Variants in CDH4 observed in about 807,000 individuals in gnomAD.
CDH4 encodes cadherin-4.
CDH4 carries 33 observed loss-of-function variants against 86.0 expected under a neutral mutation model. The observed-to-expected ratio is 0.38, with a 90% CI of 0.29 to 0.51. The LOEUF is 0.51. Among genes scored for constraint, CDH4 ranks in the 20% least tolerant of loss-of-function variants. CDH4 has a pLI of 0.86. For synonymous variants in CDH4, 555 were observed against 549.4 expected (o/e 1.01, Z -0.14); for missense variants, 1,114 against 1,307.4 (o/e 0.85, Z 2.28).
chr20:61,728,857 C>T lies in CDH4; in HGVS notation c.170-14706C>T, dbSNP rs116408616. Among the ~76,000 whole-genome samples the T allele has an allele frequency of 4.0e-3, 604 of 152,306 alleles. 3 individuals are homozygous for T. Among genetic ancestry groups the T allele is most frequent in the African/African-American group, 0.014 (577 of 41,576 alleles). On this transcript the variant is annotated intron_variant, in intron 2 of 15. Coordinates refer to ENST00000614565, the MANE Select transcript of CDH4 (RefSeq NM_001794.5). Reference sequence around the variant, plus strand: ...CTCCACACCGTTAAATGGACTCTCACAGCCTTGAATGAGAGAGCAAAAGTC... The same window carrying T: ...CTCCACACCGTTAAATGGACTCTCATAGCCTTGAATGAGAGAGCAAAAGTC...
chr20:61,797,094 C>CTA (rs1361464514), intron 4 of CDH4, among the ~76,000 whole-genome samples: 1 of 148,202 alleles, frequency 6.7e-6, no homozygotes, highest in African/African-American at 2.5e-5. Flanking sequence ...CCCCCCCCCC[C>CTA]CCAACACTGG....
rs141668792 is a variant in CDH4 at position 61,522,616 on chromosome 20, T to C, written c.170-220947T>C. On this transcript the variant is annotated intron_variant, in intron 2 of 15. Coordinates refer to ENST00000614565, the MANE Select transcript of CDH4 (RefSeq NM_001794.5). The stretch of plus-strand genomic sequence containing the variant: ...ATTTGTTTTTATTAATTGATTCATT[T>C]TCCCCCCAGCCAGGCAAGCAGCCCC... Among the ~76,000 whole-genome samples, 215 of 152,358 alleles carry C rather than the reference T, an allele frequency of 1.4e-3. 1 individual carries two copies. Among genetic ancestry groups the C allele is most frequent in the African/African-American group, 4.8e-3 (198 of 41,594 alleles).
In CDH4 at chr20:61,879,725, C is replaced by T. The variant is rs549660937; in HGVS notation, c.1050+5825C>T. Reference sequence around the variant, plus strand: ...GGAGGTGAACGTGCCGCCCGAGCCCCGTCCTGAAGGTGAGAGTGGGCTCTG... The same window carrying T: ...GGAGGTGAACGTGCCGCCCGAGCCCTGTCCTGAAGGTGAGAGTGGGCTCTG... On this transcript the variant is annotated intron_variant, in intron 7 of 15. Transcript: ENST00000614565. The surrounding 1 kb of genome is among the most constrained non-coding windows in gnomAD (Gnocchi z 4.1). Among the ~76,000 whole-genome samples the T allele has an allele frequency of 1.7e-4, 26 of 152,284 alleles. No homozygotes were observed. Among genetic ancestry groups the T allele is most frequent in the African/African-American group, 1.2e-4 (5 of 41,560 alleles).
rs778067651 is a variant in CDH4 at position 61,676,221 on chromosome 20, G to A, written c.170-67342G>A. On this transcript the variant is annotated intron_variant, in intron 2 of 15. Transcript: ENST00000614565. The surrounding 1 kb of genome is among the most constrained non-coding windows in gnomAD (Gnocchi z 4.5). ...CCCATTAACATTCGCCTGGTGTCAG[G>A]AACGGTCAGGAACGGTGGGCTGTAA... Among the ~76,000 whole-genome samples, 14 of 152,010 alleles carry A rather than the reference G, an allele frequency of 9.2e-5. No individual in the cohort carries two copies. The highest frequency in any genetic ancestry group is 2.0e-4 in the Admixed American group (3 of 15,274).
intron 2 of CDH4, among the ~76,000 whole-genome samples, chr20:61,532,736 G>A (rs2085965058): frequency 6.6e-6 from 1 of 152,188 alleles, no homozygotes; most frequent in African/African-American, 2.4e-5. Flanking sequence ...TCTCTGGCCG[G>A]GTTCTAGGGG....
At chr20:61,607,073 T>C (rs975349048) in intron 2 of CDH4, among the ~76,000 whole-genome samples, 2 of 152,222 alleles carry the variant, frequency 1.3e-5, no homozygotes, top group African/African-American at 4.8e-5. Context: ...CTTTACAACC[T>C]TGTGGTAACA....
intron 2 of CDH4, among the ~76,000 whole-genome samples, chr20:61,683,076 G>A (rs560565815): frequency 1.8e-4 from 28 of 152,138 alleles, no homozygotes; most frequent in African/African-American, 3.4e-4. Flanking sequence ...TCACCATGCC[G>A]GGGCCTGGCA....
At chr20:61,601,610 C>T (rs2086601586) in intron 2 of CDH4, among the ~76,000 whole-genome samples, 1 of 152,204 alleles carries the variant, frequency 6.6e-6, no homozygotes, top group Admixed American at 6.5e-5. Flanking sequence ...TGTGTGTGTG[C>T]CCACCTCTCC....
intron 2 of CDH4, among the ~76,000 whole-genome samples, chr20:61,522,160 C>T (rs1046804952): frequency 3.9e-5 from 6 of 152,324 alleles, no homozygotes; most frequent in Non-Finnish European, 5.9e-5. Flanking sequence ...CAGCTCCCTG[C>T]GTGTCCACCT....
chr20:61,638,164 C>T (rs1280921511), intron 2 of CDH4, among the ~76,000 whole-genome samples: 3 of 152,120 alleles, frequency 2.0e-5, no homozygotes, highest in Non-Finnish European at 4.4e-5. Context: ...GAAGGGGGCA[C>T]ACATTGTTGA....
intron 2 of CDH4, among the ~76,000 whole-genome samples, chr20:61,675,229 T>C (rs564719075): frequency 6.6e-6 from 1 of 152,146 alleles, no homozygotes; most frequent in South Asian, 2.1e-4. Context: ...CACCTCTGCT[T>C]TGGGGAGAAG....
At chr20:61,916,296 G>A (rs915616098) in intron 9 of CDH4, among the ~76,000 whole-genome samples, 137 of 152,300 alleles carry the variant, frequency 9.0e-4, no homozygotes, top group African/African-American at 3.2e-3. Flanking sequence ...TCTGTTCTTA[G>A]ATTCCCACGC....
intron 3 of CDH4, among the ~76,000 whole-genome samples, chr20:61,770,998 T>G (rs1439982971): frequency 7.1e-6 from 1 of 140,940 alleles, no homozygotes; most frequent in Non-Finnish European, 1.6e-5. Context: ...TACATTTCTT[T>G]TTTCTTTTTT....
intron 2 of CDH4, among the ~76,000 whole-genome samples, chr20:61,459,473 C>T (rs1351552089): frequency 4.1e-5 from 6 of 145,288 alleles, no homozygotes; most frequent in Admixed American, 6.9e-5. Context: ...GGTGCCTGCG[C>T]CCCCCAGGAC....
chr20:61,750,067 A>G (rs558036079), intron 3 of CDH4, among the ~76,000 whole-genome samples: 5 of 152,220 alleles, frequency 3.3e-5, no homozygotes, highest in Non-Finnish European at 2.9e-5. Context: ...TCAAAAAAAA[A>G]GGGCAGAAAA....
chr20:61,670,905 A>G (rs764351271), intron 2 of CDH4, among the ~76,000 whole-genome samples: 8 of 152,186 alleles, frequency 5.3e-5, no homozygotes, highest in Non-Finnish European at 8.8e-5. Flanking sequence ...TCTCCACAAA[A>G]GGAAGGGCCC....
chr20:61,373,029 A>G (rs904017391), intron 2 of CDH4, among the ~76,000 whole-genome samples: 1 of 152,248 alleles, frequency 6.6e-6, no homozygotes, highest in Non-Finnish European at 1.5e-5. Flanking sequence ...AGTACTTTTC[A>G]TAAAAATCCT....
chr20:61,862,231 C>T (rs1251932133), intron 6 of CDH4, among the ~76,000 whole-genome samples: 1 of 152,204 alleles, frequency 6.6e-6, no homozygotes, highest in Non-Finnish European at 1.5e-5. Flanking sequence ...GTCTCCACCA[C>T]CGGGTTCCAG....
intron 2 of CDH4, among the ~76,000 whole-genome samples, chr20:61,564,063 C>G (rs904992672): frequency 1.3e-5 from 2 of 152,174 alleles, no homozygotes; most frequent in Non-Finnish European, 2.9e-5. Flanking sequence ...TGCCCTCAGT[C>G]TCCTGTGAGG....
Sources: gnomAD v4.1 joint callset for allele counts (sites outside exome capture counted in the v4.1 genomes callset) on GRCh38, gnomAD v4.1.1 for gene constraint, Gnocchi (gnomAD v3.1) non-coding constraint, MANE v1.5 for transcripts, NCBI Gene and HGNC (gene_info 2026-07-23, HGNC 2026-07-21) for gene names.